Variants in LMO3 observed in about 807,000 individuals in gnomAD.
LMO3 encodes the protein LIM domain only protein 3.
A neutral mutation model predicts 15.8 loss-of-function variants in LMO3; 2 were observed. That is an observed-to-expected ratio of 0.13 (90% CI 0.05 to 0.40). The LOEUF (loss-of-function observed/expected upper bound fraction) is 0.40. LMO3 is among the 10% of genes least tolerant of loss of function. The pLI, the probability that LMO3 is intolerant of heterozygous loss-of-function variation, is 0.99. For missense variants in LMO3, 86 were observed against 182.2 expected (o/e 0.47, Z 3.04); for synonymous variants, 62 against 63.8 (o/e 0.97, Z 0.13).
intron 2 of LMO3, among the ~76,000 whole-genome samples, chr12:16,592,672 T>A (rs1018831724): frequency 2.6e-5 from 4 of 151,922 alleles, no homozygotes; most frequent in African/African-American, 7.2e-5. Context: ...ATTGAGCAGC[T>A]AATAAACAAA....
At chr12:16,556,229 A>G (rs1591769456) in intron 3 of LMO3, among the ~76,000 whole-genome samples, 1 of 152,182 alleles carries the variant, frequency 6.6e-6, no homozygotes, top group East Asian at 1.9e-4. Flanking sequence ...TCTAAGGAGA[A>G]GGGGCTTATT....
In LMO3 at chr12:16,593,578, G is replaced by A. The variant is rs888670214; in HGVS notation, c.206+7077C>T. The stretch of plus-strand genomic sequence containing the variant: ...TGAGAAGAAAAAGGTTTATCAAGAA[G>A]ATTTCATAATACAGCACAGAAGCAA... On this transcript the variant is annotated intron_variant, in intron 2 of 3. Coordinates refer to ENST00000537304, the MANE Select transcript of LMO3 (RefSeq NM_018640.5). This position sits in a 1 kb window ranked among gnomAD's most constrained non-coding sequence, Gnocchi z 4.2. Among the ~76,000 whole-genome samples the A allele has an allele frequency of 1.1e-4, 16 of 151,768 alleles. No individual in the cohort carries two copies. The highest frequency in any genetic ancestry group is 3.9e-4 in the African/African-American group (16 of 41,380).
At chr12:16,600,050 A>C (rs1943771743) in intron 2 of LMO3, 2 of 152,182 alleles carry the variant, frequency 1.3e-5, no homozygotes, top group African/African-American at 4.8e-5. Context: ...CTCTACAATA[A>C]ATGCACTAAT....
intron 2 of LMO3, among the ~76,000 whole-genome samples, chr12:16,588,264 T>G (rs1042962721): frequency 2.6e-5 from 4 of 151,892 alleles, no homozygotes; most frequent in African/African-American, 9.7e-5. Flanking sequence ...ATATACAAAT[T>G]GAAGGTGTGC....
In LMO3 at chr12:16,593,914, C is replaced by G. The variant is rs1943569944; in HGVS notation, c.206+6741G>C. Among the ~76,000 whole-genome samples the G allele has an allele frequency of 6.6e-6, 1 of 151,604 alleles. No individual in the cohort carries two copies. Among genetic ancestry groups the G allele is most frequent in the South Asian group, 2.1e-4 (1 of 4,828 alleles). Reference sequence around the variant, plus strand: ...AACAAGTATATTATCATAGTAAAAACAGAACTAGAACAGGCAGTATCAAAC... The same window carrying G: ...AACAAGTATATTATCATAGTAAAAAGAGAACTAGAACAGGCAGTATCAAAC... On this transcript the variant is annotated intron_variant, in intron 2 of 3. Coordinates refer to ENST00000537304, the MANE Select transcript of LMO3 (RefSeq NM_018640.5). The surrounding 1 kb of genome is among the most constrained non-coding windows in gnomAD (Gnocchi z 4.2).
intron 2 of LMO3, among the ~76,000 whole-genome samples, chr12:16,569,477 G>C (rs557917474): frequency 6.6e-6 from 1 of 152,038 alleles, no homozygotes; most frequent in Admixed American, 6.6e-5. Flanking sequence ...ACAAATAATT[G>C]TCAATTTCTT....
At chr12:16,570,980 A>G (rs1431571878) in intron 2 of LMO3, among the ~76,000 whole-genome samples, 1 of 152,156 alleles carries the variant, frequency 6.6e-6, no homozygotes, top group African/African-American at 2.4e-5. Context: ...ACATGTATAC[A>G]TATGTAACTA....
rs1050064248 is a variant in LMO3 at position 16,589,870 on chromosome 12, G to A, written c.206+10785C>T. On this transcript the variant is annotated intron_variant, in intron 2 of 3. Coordinates refer to ENST00000537304, the MANE Select transcript of LMO3 (RefSeq NM_018640.5). This position sits in a 1 kb window ranked among gnomAD's most constrained non-coding sequence, Gnocchi z 4.2. ...AAAAGCCCCCAAGATGCAGACCACA[G>A]TAGGAATTAAGCCTCGTAAAGCTCT... Among the ~76,000 whole-genome samples, 4 of 152,080 alleles carry A rather than the reference G, an allele frequency of 2.6e-5. No individual in the cohort carries two copies. The highest frequency in any genetic ancestry group is 5.9e-5 in the Non-Finnish European group (4 of 68,004).
rs1009858011 is a variant in LMO3, at chr12:16,551,945, C to T, written c.333-618G>A. ...CCTTTGTTTGTGGCAAGTTCACCAA[C>T]ATGAAATAGTAGATGTCATTTCTTA... On this transcript the variant is annotated intron_variant, in intron 3 of 3. Transcript: ENST00000537304. Among the ~76,000 whole-genome samples the T allele has an allele frequency of 5.9e-5, 9 of 151,990 alleles. No homozygotes were observed. In the East Asian group the frequency reaches 1.7e-3, roughly 29 times the overall value.
chr12:16,605,263 C>A (rs1943949864), intron 1 of LMO3: 1 of 1,236,084 alleles, frequency 8.1e-7, no homozygotes, highest in African/African-American at 1.5e-5. Context: ...GTTAGCATAG[C>A]ATATCATGTT....
In LMO3 at chr12:16,555,647, T is replaced by C. The variant is rs902236045; in HGVS notation, c.333-4320A>G. On this transcript the variant is annotated intron_variant, in intron 3 of 3. Transcript: ENST00000537304. This position sits in a 1 kb window ranked among gnomAD's most constrained non-coding sequence, Gnocchi z 5.5. ...TCAAAGACTAAGTTTACAATTTCAT[T>C]TCCTCTAGGTGCTTGCTCTCTTTCT... 1.3e-5 allele frequency among the ~76,000 whole-genome samples: 2 copies of C among 152,214 alleles called. No homozygotes were observed. Among genetic ancestry groups the C allele is most frequent in the Non-Finnish European group, 2.9e-5 (2 of 68,036 alleles).
In LMO3 at chr12:16,548,969, A is replaced by C. The variant is rs532500968; in HGVS notation, c.*2253T>G. 6.6e-6 allele frequency: 1 copy of C among 152,306 alleles called. No individual in the cohort carries two copies. The highest frequency in any genetic ancestry group is 2.1e-4 in the South Asian group (1 of 4,832). The allele number at this position is 152,306 out of a possible 1,614,324, so 9.4% of individuals were successfully genotyped here. A position where few individuals can be genotyped will look rare whatever the true frequency, so the allele number is the denominator to read the frequency against. ...GGTCTTCCAGTGGCAAGGATAGTTG[A>C]ACAACTTCAAGAAGCTGAGAGAAGT... On this transcript the variant is annotated 3_prime_UTR_variant, in exon 4 of 4. Coordinates refer to ENST00000537304, the MANE Select transcript of LMO3 (RefSeq NM_018640.5). This position sits in a 1 kb window ranked among gnomAD's most constrained non-coding sequence, Gnocchi z 4.2.
At chr12:16,601,671 T>G (rs1035249524) in intron 1 of LMO3, among the ~76,000 whole-genome samples, 1 of 152,148 alleles carries the variant, frequency 6.6e-6, no homozygotes, top group Non-Finnish European at 1.5e-5. Flanking sequence ...GAAGGCAAGA[T>G]CTAAATATAT....
In LMO3 at chr12:16,589,325, T is replaced by C. The variant is rs953586549; in HGVS notation, c.206+11330A>G. 1.3e-5 allele frequency among the ~76,000 whole-genome samples: 2 copies of C among 152,130 alleles called. No homozygotes were observed. Among genetic ancestry groups the C allele is most frequent in the African/African-American group, 4.8e-5 (2 of 41,442 alleles). On this transcript the variant is annotated intron_variant, in intron 2 of 3. Transcript: ENST00000537304. This position sits in a 1 kb window ranked among gnomAD's most constrained non-coding sequence, Gnocchi z 4.2. Reference sequence around the variant, plus strand: ...AGGGGCAATACCTAATGTAGTAGAATAATGAGAAACACATGATGAGACATT... The same window carrying C: ...AGGGGCAATACCTAATGTAGTAGAACAATGAGAAACACATGATGAGACATT...
intron 2 of LMO3, chr12:16,594,024 T>A (rs1943572710): frequency 1.2e-6 from 1 of 865,452 alleles, no homozygotes; most frequent in Non-Finnish European, 1.7e-6. Flanking sequence ...ATAAAAGTTG[T>A]CCTACATGTT....
chr12:16,558,898 G>A (rs777826814), intron 3 of LMO3, among the ~76,000 whole-genome samples: 21 of 152,186 alleles, frequency 1.4e-4, no homozygotes, highest in Non-Finnish European at 2.2e-4. Flanking sequence ...CTGCAAGAGA[G>A]GTGTTAGTGT....
intron 2 of LMO3, among the ~76,000 whole-genome samples, chr12:16,583,323 A>C (rs963670233): frequency 6.6e-6 from 1 of 152,158 alleles, no homozygotes; most frequent in African/African-American, 2.4e-5. Context: ...TTTTTAAAAA[A>C]ATTAGACAAT....
Position 16,598,596 on chromosome 12 carries a change from A to C in LMO3, c.206+2059T>G, listed in dbSNP as rs1943729835. On this transcript the variant is annotated intron_variant, in intron 2 of 3. Coordinates refer to ENST00000537304, the MANE Select transcript of LMO3 (RefSeq NM_018640.5). This position sits in a 1 kb window ranked among gnomAD's most constrained non-coding sequence, Gnocchi z 4.3. Reference sequence around the variant, plus strand: ...AGGAGGTAACTGAAAGTTATTCTACAAAAAGCCACATACACTCTTATAGAG... The same window carrying C: ...AGGAGGTAACTGAAAGTTATTCTACCAAAAGCCACATACACTCTTATAGAG... The C allele has an allele frequency of 6.6e-6, 1 of 152,210 alleles. No individual in the cohort carries two copies. The highest frequency in any genetic ancestry group is 2.4e-5 in the African/African-American group (1 of 41,468). 9.4% of individuals were successfully genotyped at this position (152,210 alleles called of 1,614,324 possible). A position where few individuals can be genotyped will look rare whatever the true frequency, so the allele number is the denominator to read the frequency against.
rs763918054 is a variant in LMO3, at chr12:16,560,470, C to T, written c.275G>A (p.Arg92His). 6 of 1,613,854 alleles carry T rather than the reference C, an allele frequency of 3.7e-6. No individual in the cohort carries two copies. The highest frequency in any genetic ancestry group is 1.3e-5 in the African/African-American group (1 of 74,934). Residue 92 changes from arginine (R) to histidine (H), a missense_variant, in exon 3 of 4, where the codon CGT becomes CAT. Coordinates refer to ENST00000537304, the MANE Select transcript of LMO3 (RefSeq NM_018640.5). This position sits in a 1 kb window ranked among gnomAD's most constrained non-coding sequence, Gnocchi z 5.0. ...KLIPAFEMVMRAKDNVYHLDC... is the reference protein window; with the variant it reads ...KLIPAFEMVMHAKDNVYHLDC... The stretch of plus-strand genomic sequence containing the variant: ...CAGGTGGTAAACATTGTCCTTGGCA[C>T]GCATCACCATCTCAAAGGCAGGGAT...
Sources: allele counts gnomAD v4.1 joint callset (sites outside exome capture counted in the v4.1 genomes callset), GRCh38; gene constraint gnomAD v4.1.1; non-coding constraint Gnocchi (gnomAD v3.1); transcripts MANE v1.5; gene names NCBI Gene and HGNC (gene_info 2026-07-23, HGNC 2026-07-21).